The following BCL11A variants were observed in gnomAD, a reference collection of about 807,000 sequenced individuals.
BCL11A encodes B cell CLL/lymphoma 11A.
Under a neutral mutation model 55.9 loss-of-function variants are expected in BCL11A, and 2 were observed. The observed-to-expected ratio is 0.04, with a 90% CI of 0.01 to 0.11. BCL11A has a LOEUF of 0.11. Ranked by LOEUF, BCL11A falls within the 10% of genes least tolerant of loss-of-function variation. The pLI is 1.00. For missense variants in BCL11A, 817 were observed against 1,137.1 expected (o/e 0.72, Z 4.05); for synonymous variants, 465 against 473.4 (o/e 0.98, Z 0.23).
chr2:60,542,426 A>G (rs1669962916), intron 2 of BCL11A: 1 of 152,242 alleles, frequency 6.6e-6, no homozygotes, highest in Non-Finnish European at 1.5e-5. Flanking sequence ...AAAAAAAAAG[A>G]AAACAAAACA....
Position 60,460,772 on chromosome 2 carries a change from T to C in BCL11A, c.2140A>G (p.Ser714Gly), listed in dbSNP as rs1676207270. 6.2e-7 allele frequency: 1 copy of C among 1,613,340 alleles called. No individual in the cohort carries two copies. Among genetic ancestry groups the C allele is most frequent in the African/African-American group, 1.3e-5 (1 of 74,942 alleles). The change falls in exon 4 of 4, where the codon AGC becomes GGC. Residue 714 changes from serine (S) to glycine (G), a missense_variant. Physicochemically the swap from Ser to Gly is moderately conservative, Grantham distance 56 (BLOSUM62 0). This residue lies in a region of BCL11A where 379 missense variants were observed against 425.3 expected (regional missense o/e 0.89). Coordinates refer to ENST00000642384, the MANE Select transcript of BCL11A (RefSeq NM_022893.4). The stretch of plus-strand genomic sequence containing the variant: ...GTGCTCCCTCCACTTCCCGTGCCGC[T>C]GCGCCCCGAGATCCCTCCGTCCAGC... ...GELDGGISGR[S>G]GTGSGGSTPH...
chr2:60,538,739 C>CTGTG (rs777467539), intron 2 of BCL11A, among the ~76,000 whole-genome samples: 301 of 67,522 alleles, frequency 4.5e-3, no homozygotes, highest in African/African-American at 7.7e-3. Flanking sequence ...CTCTCTCTCT[C>CTGTG]TGTGTGTGTG....
At chr2:60,508,692 A>C (rs1483651994) in intron 2 of BCL11A, 1 of 152,274 alleles carries the variant, frequency 6.6e-6, no homozygotes, top group Non-Finnish European at 1.5e-5. Flanking sequence ...GCCCAGGAAG[A>C]AGCTGGCGCT....
At chr2:60,547,103 AT>A (rs535815759) in intron 1 of BCL11A, among the ~76,000 whole-genome samples, 139 of 149,968 alleles carry the variant, frequency 9.3e-4, no homozygotes, top group African/African-American at 2.6e-3. Flanking sequence ...CCAATTAGTC[AT>A]TTTTTTTTTA....
Position 60,457,712 on chromosome 2 carries a change from T to C in BCL11A, c.*2692A>G, listed in dbSNP as rs1166096987. 9.7e-7 allele frequency: 1 copy of C among 1,031,006 alleles called. No homozygotes were observed. The highest frequency in any genetic ancestry group is 6.1e-5 in the East Asian group (1 of 16,364). The allele number at this position is 1,031,006 out of a possible 1,614,324, so 63.9% of individuals were successfully genotyped here. On this transcript the variant is annotated 3_prime_UTR_variant, in exon 4 of 4. Transcript: ENST00000642384. ...CTTTTTTTTTCTTTCTTTCTTTTACTGCATATGAAGGTAAGATGCTGGAAT... is the reference window on the plus strand; with the variant it reads ...CTTTTTTTTTCTTTCTTTCTTTTACCGCATATGAAGGTAAGATGCTGGAAT...
intron 2 of BCL11A, among the ~76,000 whole-genome samples, chr2:60,531,102 C>T (rs920655977): frequency 6.6e-6 from 1 of 151,942 alleles, no homozygotes; most frequent in African/African-American, 2.4e-5. Flanking sequence ...CCACCTTCTC[C>T]GGAGCAGATG....
At chr2:60,548,474 G>C (rs1448611358) in intron 1 of BCL11A, among the ~76,000 whole-genome samples, 1 of 152,066 alleles carries the variant, frequency 6.6e-6, no homozygotes, top group Non-Finnish European at 1.5e-5. Context: ...TCTTCTAAAT[G>C]TAGTGACTGA....
chr2:60,470,926 C>A (rs1677158943), intron 2 of BCL11A, among the ~76,000 whole-genome samples: 2 of 152,200 alleles, frequency 1.3e-5, no homozygotes, highest in African/African-American at 4.8e-5. Flanking sequence ...CATGGCTACA[C>A]TGATGATTAA....
chr2:60,461,195 C>T lies in BCL11A; in HGVS notation c.1717G>A (p.Gly573Ser), dbSNP rs1239540629. ...TGGCCCTCGGCCTCGGCCAGGTGGC[C>T]GCGCTTATGCTTCTCGCCCAGGACC... ...HQVLGEKHKR[G>S]HLAEAEGHRD... The change falls in exon 4 of 4, where the codon GGC becomes AGC. Residue 573 changes from glycine (G) to serine (S), a missense_variant. This residue lies in a region of BCL11A where 379 missense variants were observed against 425.3 expected (regional missense o/e 0.89). Transcript: ENST00000642384. The T allele has an allele frequency of 9.9e-6, 16 of 1,612,334 alleles. No individual in the cohort carries two copies. Among genetic ancestry groups the T allele is most frequent in the Middle Eastern group, 1.6e-4 (1 of 6,084 alleles).
intron 2 of BCL11A, among the ~76,000 whole-genome samples, chr2:60,475,439 G>C (rs993202446): frequency 6.6e-6 from 1 of 152,192 alleles, no homozygotes; most frequent in African/African-American, 2.4e-5. Flanking sequence ...AGACAAACAA[G>C]TGTTGATAGC....
At chr2:60,479,628 G>A (rs1000144354) in intron 2 of BCL11A, among the ~76,000 whole-genome samples, 6 of 152,164 alleles carry the variant, frequency 3.9e-5, no homozygotes, top group South Asian at 2.1e-4. Context: ...GAGTGTGGAC[G>A]GCAGGCTGAC....
chr2:60,523,077 T>C (rs1669062385), intron 2 of BCL11A, among the ~76,000 whole-genome samples: 1 of 152,216 alleles, frequency 6.6e-6, no homozygotes, highest in Non-Finnish European at 1.5e-5. Flanking sequence ...ACTTAATATC[T>C]TTCAGGATAT....
intron 2 of BCL11A, chr2:60,541,684 C>G (rs937277916): frequency 1.1e-5 from 5 of 467,660 alleles, no homozygotes; most frequent in African/African-American, 8.2e-5. Flanking sequence ...ACAATATTCT[C>G]TACTCTCTGG....
intron 2 of BCL11A, among the ~76,000 whole-genome samples, chr2:60,540,628 G>A (rs1669876361): frequency 6.6e-6 from 1 of 152,080 alleles, no homozygotes; most frequent in African/African-American, 2.4e-5. Flanking sequence ...TGTTTTTTAT[G>A]TACCCCAATT....
intron 2 of BCL11A, chr2:60,537,380 G>T (rs1280728281): frequency 6.6e-6 from 1 of 152,232 alleles, no homozygotes; most frequent in African/African-American, 2.4e-5. Context: ...AAACTGAAAG[G>T]ATCGGGGCAG....
In BCL11A at chr2:60,457,353, T is replaced by C; in HGVS notation, c.*3051A>G. On this transcript the variant is annotated 3_prime_UTR_variant, in exon 4 of 4. Coordinates refer to ENST00000642384, the MANE Select transcript of BCL11A (RefSeq NM_022893.4). ...ATAAAAAGCCAGGTTGTAATGACCT[T>C]TGGTCATCTAAATAAAAAAAAAAAT... 9.8e-7 allele frequency: 1 copy of C among 1,021,856 alleles called. No individual in the cohort carries two copies. Among genetic ancestry groups the C allele is most frequent in the Non-Finnish European group, 1.2e-6 (1 of 849,886 alleles). 63.3% of individuals were successfully genotyped at this position (1,021,856 alleles called of 1,614,324 possible).
At chr2:60,501,511 T>C (rs1050095042) in intron 2 of BCL11A, among the ~76,000 whole-genome samples, 3 of 149,970 alleles carry the variant, frequency 2.0e-5, no homozygotes, top group African/African-American at 7.4e-5. Context: ...CTTTCTTTTT[T>C]TTTTTTTTTT....
intron 2 of BCL11A, among the ~76,000 whole-genome samples, chr2:60,514,883 A>G (rs1156620345): frequency 6.6e-6 from 1 of 151,684 alleles, no homozygotes; most frequent in Non-Finnish European, 1.5e-5. Flanking sequence ...GAAAAAAAAA[A>G]AAAGAAAAGA....
chr2:60,487,129 C>T (rs1678324528), intron 2 of BCL11A, among the ~76,000 whole-genome samples: 1 of 152,188 alleles, frequency 6.6e-6, no homozygotes, highest in African/African-American at 2.4e-5. Context: ...AGTGCAACAC[C>T]CCTAAGTGTG....
Sources: gnomAD v4.1 joint callset for allele counts (sites outside exome capture counted in the v4.1 genomes callset) on GRCh38, gnomAD v4.1.1 for gene constraint, gnomAD v4.1.1 regional missense constraint, MANE v1.5 for transcripts, NCBI Gene and HGNC (gene_info 2026-07-23, HGNC 2026-07-21) for gene names.